Variants in TAFA2 observed in about 807,000 individuals in gnomAD.
The protein encoded by TAFA2 is TAFA chemokine like family member 2.
A neutral mutation model predicts 18.8 loss-of-function variants in TAFA2; 7 were observed. The ratio of observed to expected loss-of-function variants is 0.37; its 90% CI spans 0.21 to 0.70. The LOEUF (loss-of-function observed/expected upper bound fraction) is 0.70, where lower values mean the gene tolerates loss of function less well. TAFA2 is among the 30% of genes least tolerant of loss of function. TAFA2 has a pLI of 0.53. For missense variants in TAFA2, 122 were observed against 158.1 expected, an observed-to-expected ratio of 0.77 and a Z score of 1.23; for synonymous variants, 60 against 54.2, an observed-to-expected ratio of 1.11 and a Z score of -0.47.
intron 1 of TAFA2, among the ~76,000 whole-genome samples, chr12:61,919,473 G>C (rs796192851): frequency 2.1e-4 from 32 of 152,186 alleles, no homozygotes; most frequent in African/African-American, 7.2e-4. Context: ...CAAGGATTGG[G>C]AAATTAGTCA....
chr12:62,017,912 G>A (rs1383338613), intron 1 of TAFA2, among the ~76,000 whole-genome samples: 1 of 152,106 alleles, frequency 6.6e-6, no homozygotes, highest in Admixed American at 6.6e-5. Context: ...AGAATGAGTG[G>A]AAACAAATGA....
chr12:61,856,720 T>C (rs543317190), intron 2 of TAFA2, among the ~76,000 whole-genome samples: 2 of 152,046 alleles, frequency 1.3e-5, no homozygotes, highest in East Asian at 3.9e-4. Flanking sequence ...TGTCAAAACA[T>C]AGTAACATTT....
intron 1 of TAFA2, among the ~76,000 whole-genome samples, chr12:62,214,776 T>G (rs1383927628): frequency 6.6e-6 from 1 of 152,180 alleles, no homozygotes; most frequent in East Asian, 1.9e-4. Context: ...CTGAGAAATC[T>G]AGTCTCCAGA....
chr12:62,196,084 G>A, upstream of TAFA2, among the ~76,000 whole-genome samples: 1 of 152,158 alleles, frequency 6.6e-6, no homozygotes, highest in East Asian at 1.9e-4. Context: ...CATGTATTAT[G>A]GAGACAGCTT....
intron 1 of TAFA2, among the ~76,000 whole-genome samples, chr12:62,080,618 C>G (rs1204130280): frequency 1.3e-5 from 2 of 152,018 alleles, no homozygotes; most frequent in African/African-American, 4.8e-5. Context: ...TTACAAAATT[C>G]TAAAATCTAT....
Position 61,937,496 on chromosome 12 carries a change from A to G in TAFA2, c.-1-70070T>C, listed in dbSNP as rs1877817918. 2.6e-5 allele frequency among the ~76,000 whole-genome samples: 4 copies of G among 152,150 alleles called. No homozygotes were observed. In the South Asian group the frequency reaches 6.2e-4, roughly 24 times the overall value. The stretch of plus-strand genomic sequence containing the variant: ...AACAGAATAGAGAACCCAGAAAAAA[A>G]GCCAAATACCTACAGACAACTGATC... On this transcript the variant is annotated intron_variant, in intron 1 of 4. Coordinates refer to ENST00000416284, the MANE Select transcript of TAFA2 (RefSeq NM_178539.5).
intron 1 of TAFA2, among the ~76,000 whole-genome samples, chr12:61,915,396 C>T (rs1876781198): frequency 6.6e-6 from 1 of 152,190 alleles, no homozygotes; most frequent in African/African-American, 2.4e-5. Context: ...TTTATTGGTA[C>T]AAACTCTTTT....
intron 1 of TAFA2, among the ~76,000 whole-genome samples, chr12:61,894,805 T>G (rs939966188): frequency 1.3e-5 from 2 of 152,214 alleles, no homozygotes; most frequent in Non-Finnish European, 2.9e-5. Flanking sequence ...GGAATTTGTC[T>G]CTTAGCCATA....
intron 2 of TAFA2, among the ~76,000 whole-genome samples, chr12:61,814,129 T>C (rs995136297): frequency 2.0e-5 from 3 of 151,434 alleles, no homozygotes; most frequent in Non-Finnish European, 2.9e-5. Flanking sequence ...ATATCTCTTT[T>C]GCAGTAGAGA....
At chr12:62,117,893 C>G (rs187396697) in intron 1 of TAFA2, among the ~76,000 whole-genome samples, 1 of 152,088 alleles carries the variant, frequency 6.6e-6, no homozygotes, top group Admixed American at 6.6e-5. Context: ...CCTCTTTGTA[C>G]TTCAGGTGCA....
At chr12:62,159,975 T>C (rs1353386976) in intron 1 of TAFA2, among the ~76,000 whole-genome samples, 2 of 152,226 alleles carry the variant, frequency 1.3e-5, no homozygotes, top group Non-Finnish European at 2.9e-5. Flanking sequence ...CTGCCCCTGC[T>C]ACTCTATGTA....
intron 1 of TAFA2, among the ~76,000 whole-genome samples, chr12:61,936,605 TA>T (rs954234232): frequency 1.3e-5 from 2 of 151,194 alleles, no homozygotes; most frequent in Non-Finnish European, 3.0e-5. Context: ...AATAAATAAA[TA>T]AATAAATCCA....
rs866411492 is a variant in TAFA2 at position 62,202,661 on chromosome 12, T to C, written c.-130+56102A>G. On this transcript the variant is annotated intron_variant, in intron 1 of 5. Transcript: ENST00000551619. ...GATGTGGCATTTAGTGTTATAAATT[T>C]CCCTCTTAATACTGCTTTAACTGCA... Among the ~76,000 whole-genome samples the C allele has an allele frequency of 5.3e-5, 8 of 152,046 alleles. No homozygotes were observed. In the South Asian group the frequency reaches 8.3e-4, roughly 16 times the overall value.
chr12:61,800,716 G>A (rs193200549), intron 2 of TAFA2, among the ~76,000 whole-genome samples: 1 of 152,160 alleles, frequency 6.6e-6, no homozygotes, highest in Admixed American at 6.5e-5. Context: ...ATAAATGGGA[G>A]ATAGCTTGGA....
At chr12:61,852,122 G>A (rs1873697246) in intron 2 of TAFA2, among the ~76,000 whole-genome samples, 1 of 151,194 alleles carries the variant, frequency 6.6e-6, no homozygotes, top group Non-Finnish European at 1.5e-5. Context: ...CAGGAGAATC[G>A]CTTGAACCCA....
chr12:61,895,387 A>G (rs557166764), intron 1 of TAFA2, among the ~76,000 whole-genome samples: 5 of 152,106 alleles, frequency 3.3e-5, no homozygotes, highest in Non-Finnish European at 5.9e-5. Context: ...CACCACCCAT[A>G]AAGCATACAC....
At chr12:61,990,408 C>T (rs917999318) in intron 1 of TAFA2, among the ~76,000 whole-genome samples, 18 of 135,074 alleles carry the variant, frequency 1.3e-4, no homozygotes, top group African/African-American at 1.7e-4. Flanking sequence ...GGCGCTATCT[C>T]GGCTCACTGC....
chr12:62,053,546 C>A (rs535047281), intron 1 of TAFA2, among the ~76,000 whole-genome samples: 2 of 152,242 alleles, frequency 1.3e-5, no homozygotes, highest in East Asian at 1.9e-4. Flanking sequence ...TAATGTAATT[C>A]TGTTTGAAAT....
chr12:61,884,192 A>C (rs1875268710), intron 1 of TAFA2, among the ~76,000 whole-genome samples: 1 of 152,224 alleles, frequency 6.6e-6, no homozygotes, highest in South Asian at 2.1e-4. Context: ...CGGAGGAATA[A>C]GAGGTAAGCT....
Sources: allele counts gnomAD v4.1 joint callset (sites outside exome capture counted in the v4.1 genomes callset), GRCh38; gene constraint gnomAD v4.1.1; transcripts MANE v1.5; gene names NCBI Gene and HGNC (gene_info 2026-07-23, HGNC 2026-07-21).